Variants in RABL6 observed in about 807,000 individuals in gnomAD.
The protein encoded by RABL6 is rab-like protein 6.
In RABL6, 28 loss-of-function variants were observed where a neutral mutation model predicts 72.9. That is an observed-to-expected ratio of 0.38 (90% CI 0.28 to 0.53). The LOEUF (loss-of-function observed/expected upper bound fraction) is 0.53, where lower values mean the gene tolerates loss of function less well. Ranked by LOEUF, RABL6 falls within the 20% of genes least tolerant of loss-of-function variation. The probability of loss-of-function intolerance (pLI) is 0.80; values close to 1 mark genes in which losing one functional copy is unlikely to be tolerated. For missense variants in RABL6, 1,029 were observed against 1,008.4 expected (o/e 1.02, Z -0.28); for synonymous variants, 477 against 421.2 (o/e 1.13, Z -1.62).
intron 1 of RABL6, among the ~76,000 whole-genome samples, chr9:136,819,384 C>A (rs1038256069): frequency 6.6e-6 from 1 of 150,846 alleles, no homozygotes; most frequent in Non-Finnish European, 1.5e-5. Flanking sequence ...GCATAGAAGG[C>A]TGGGGGAGGG....
rs972946929 is a variant in RABL6, at chr9:136,813,253, A to G, written c.130+4927A>G. On this transcript the variant is annotated intron_variant, in intron 1 of 14. Coordinates refer to ENST00000311502, the MANE Select transcript of RABL6 (RefSeq NM_024718.5). ...TATTACAGGAATTTAAAGCTGCTTTATCATCTTCAAATGAAGCGAACTGTA... is the reference window on the plus strand; with the variant it reads ...TATTACAGGAATTTAAAGCTGCTTTGTCATCTTCAAATGAAGCGAACTGTA... The G allele has an allele frequency of 5.9e-5, 33 of 554,978 alleles. No individual in the cohort carries two copies. The Admixed American group carries it at 8.2e-4, about 14-fold the overall frequency. 34.4% of individuals were successfully genotyped at this position (554,978 alleles called of 1,614,324 possible).
chr9:136,820,263 G>A (rs1445151388), intron 1 of RABL6, among the ~76,000 whole-genome samples: 1 of 151,842 alleles, frequency 6.6e-6, no homozygotes, highest in African/African-American at 2.4e-5. Context: ...TACTTGGGAG[G>A]CTAAGGTGGG....
intron 7 of RABL6, chr9:136,833,561 C>T: frequency 1.0e-6 from 1 of 1,001,232 alleles, no homozygotes; most frequent in Non-Finnish European, 1.4e-6. Context: ...TCTCCTCACC[C>T]TGGGCTGCCC....
rs1292862220 is a variant in RABL6, at chr9:136,837,856, T to C, written c.1127-6T>C. 1 of 1,548,664 alleles carries C rather than the reference T, an allele frequency of 6.5e-7. No homozygotes were observed. Among genetic ancestry groups the C allele is most frequent in the East Asian group, 2.4e-5 (1 of 40,930 alleles). On this transcript the variant is annotated splice_polypyrimidine_tract_variant and splice_region_variant and intron_variant, in intron 9 of 14. Coordinates refer to ENST00000311502, the MANE Select transcript of RABL6 (RefSeq NM_024718.5). ...AGTGAAGAGGACCCGGCATCACTGT[T>C]CACAGAGCCAGTCCCGGCCGCAGAG...
rs530397101 is a variant in RABL6 at position 136,840,633 on chromosome 9, G to A, written c.*111G>A. The A allele has an allele frequency of 1.6e-4, 248 of 1,549,556 alleles. 3 individuals carry two copies. In the East Asian group the frequency reaches 3.8e-3, roughly 24 times the overall value. On this transcript the variant is annotated 3_prime_UTR_variant, in exon 15 of 15. Coordinates refer to ENST00000311502, the MANE Select transcript of RABL6 (RefSeq NM_024718.5). ...CCGCTGCCCCGTGGCTGCCGTGTGC[G>A]CTTCTGAGCTGGAAGAGGCCGGGCA...
Position 136,841,096 on chromosome 9 carries a change from C to G in RABL6, c.*574C>G. The G allele has an allele frequency of 7.4e-7, 1 of 1,358,278 alleles. No homozygotes were observed. The highest frequency in any genetic ancestry group is 1.5e-5 in the African/African-American group (1 of 67,856). The allele number at this position is 1,358,278 out of a possible 1,614,324, so 84.1% of individuals were successfully genotyped here. A position where few individuals can be genotyped will look rare whatever the true frequency, so the allele number is the denominator to read the frequency against. On this transcript the variant is annotated 3_prime_UTR_variant, in exon 15 of 15. Transcript: ENST00000311502. The stretch of plus-strand genomic sequence containing the variant: ...GTGTTTCCCACAGTGGCCTCAGCTG[C>G]GCCCCCGCTCAGGTGAGCCCGAAGG...
At chr9:136,813,159 A>G in intron 1 of RABL6, 1 of 463,234 alleles carries the variant, frequency 2.2e-6, no homozygotes, top group South Asian at 1.9e-5. Flanking sequence ...ACAGTTTTAG[A>G]TGGCTGGCTC....
At chr9:136,836,234 T>G in intron 8 of RABL6, 1 of 204,310 alleles carries the variant, frequency 4.9e-6, no homozygotes, top group Non-Finnish European at 1.0e-5. Flanking sequence ...TGAAGAGGCA[T>G]ACAGGCCAGG....
intron 8 of RABL6, chr9:136,836,633 C>G (rs1415639748): frequency 6.4e-6 from 1 of 155,570 alleles, no homozygotes; most frequent in African/African-American, 2.4e-5. Context: ...TGAACCAATC[C>G]TGGCATTTCC....
intron 3 of RABL6, chr9:136,827,490 G>A (rs1848384302): frequency 6.6e-6 from 1 of 152,334 alleles, no homozygotes; most frequent in Admixed American, 6.5e-5. Flanking sequence ...CCCCAAAGCA[G>A]ATCCAGCCAG....
intron 8 of RABL6, chr9:136,837,039 A>C: frequency 1.5e-5 from 7 of 464,654 alleles, no homozygotes; most frequent in Non-Finnish European, 2.4e-5. Flanking sequence ...ACACCCGGCT[A>C]ATTTTTTTTG....
intron 7 of RABL6, chr9:136,834,043 G>A: frequency 6.9e-7 from 1 of 1,459,298 alleles, no homozygotes; most frequent in Non-Finnish European, 9.1e-7. Flanking sequence ...GCGTAGGGCT[G>A]AGCTGTGTGT....
intron 7 of RABL6, chr9:136,834,432 T>C: frequency 1.8e-5 from 18 of 986,134 alleles, no homozygotes; most frequent in Non-Finnish European, 2.0e-5. Flanking sequence ...TTTCTCTTTG[T>C]AAATCACATT....
chr9:136,808,345 G>T lies in RABL6; in HGVS notation c.130+19G>T, dbSNP rs752020818. ...TACAACAGTGAGTGCGGCGGGCCGGGGGGGCGCGGGAGCGCCGCGCGGGTC... is the reference window on the plus strand; with the variant it reads ...TACAACAGTGAGTGCGGCGGGCCGGTGGGGCGCGGGAGCGCCGCGCGGGTC... On this transcript the variant is annotated intron_variant, in intron 1 of 14. Transcript: ENST00000311502. The T allele has an allele frequency of 2.7e-6, 4 of 1,500,866 alleles. No homozygotes were observed. Among genetic ancestry groups the T allele is most frequent in the African/African-American group, 1.5e-5 (1 of 68,718 alleles). 93.0% of individuals were successfully genotyped at this position (1,500,866 alleles called of 1,614,324 possible).
chr9:136,833,397 G>A (rs1387905333), intron 7 of RABL6: 54 of 287,224 alleles, frequency 1.9e-4, no homozygotes, highest in African/African-American at 8.2e-4. Context: ...GGGCTGCCCC[G>A]CCTGGGTCTG....
At chr9:136,829,197 G>A (rs1261935743) in intron 4 of RABL6, among the ~76,000 whole-genome samples, 196 bp from the exon 5 acceptor site, 1 of 152,274 alleles carries the variant, frequency 6.6e-6, no homozygotes, top group African/African-American at 2.4e-5. Context: ...AGCCATCAGC[G>A]AGGCTGGTGT....
chr9:136,836,356 C>T (rs1848584530), intron 8 of RABL6: 4 of 153,468 alleles, frequency 2.6e-5, no homozygotes, highest in Admixed American at 1.9e-4. Flanking sequence ...CTGGCCCGTT[C>T]TCTGCCTCAG....
rs551546580 is a variant in RABL6, at chr9:136,822,863, C to T, written c.131-662C>T. ...CAGCACTTTGGGAGGCCAAGGCGGG[C>T]GGATCACGAGGTCAGGAGATCGAGA... On this transcript the variant is annotated intron_variant, in intron 1 of 14. Transcript: ENST00000311502. 4.6e-5 allele frequency among the ~76,000 whole-genome samples: 7 copies of T among 152,268 alleles called. No individual in the cohort carries two copies. In the East Asian group the frequency reaches 7.7e-4, roughly 17 times the overall value.
chr9:136,837,446 G>A lies in RABL6; in HGVS notation c.910G>A (p.Ala304Thr). The A allele has an allele frequency of 1.3e-6, 2 of 1,570,116 alleles. No homozygotes were observed. The highest frequency in any genetic ancestry group is 1.4e-5 in the African/African-American group (1 of 73,996). ...GGGCTCCCAGTCACCAGTGGTGCCT[G>A]CAGGCGCTGTGTCCACGGGGAGCTC... ...SPGSQSPVVP[A>T]GAVSTGSSSP... Residue 304 changes from alanine to threonine, a missense_variant, in exon 9 of 15, where the codon GCA becomes ACA. Ala to Thr is a moderately conservative substitution (Grantham distance 58, BLOSUM62 0). Around this residue, in one of 2 missense-constraint regions of RABL6, gnomAD observed 434 missense variants for 536.1 expected, o/e 0.81. Transcript: ENST00000311502.
Sources: allele counts gnomAD v4.1 joint callset (sites outside exome capture counted in the v4.1 genomes callset), GRCh38; gene constraint gnomAD v4.1.1; regional missense constraint gnomAD v4.1.1; transcripts MANE v1.5; gene names NCBI Gene and HGNC (gene_info 2026-07-23, HGNC 2026-07-21).